TBC1D2: variants seen among roughly 807,000 people sequenced by gnomAD.
The protein encoded by TBC1D2 is TBC1 domain family member 2A.
In TBC1D2, 58 loss-of-function variants were observed where a neutral mutation model predicts 91.1. The observed-to-expected ratio is 0.64, with a 90% CI of 0.52 to 0.79. The LOEUF (loss-of-function observed/expected upper bound fraction) is 0.79. Ranked by LOEUF, TBC1D2 falls within the 30% of genes least tolerant of loss-of-function variation. The pLI is 0.00. For synonymous variants in TBC1D2, 482 were observed against 511.5 expected (o/e 0.94, Z 0.78); for missense variants, 1,080 against 1,208.3 (o/e 0.89, Z 1.57).
Position 98,221,089 on chromosome 9 carries a change from C to T in TBC1D2, c.1118G>A (p.Gly373Asp), listed in dbSNP as rs754867899. Residue 373 changes from glycine (G) to aspartate (D), a missense_variant, in exon 6 of 13, where the codon GGC (glycine) becomes GAC (aspartate). By Grantham distance (94) the Gly-to-Asp change is moderately conservative. Transcript: ENST00000465784. The part of the protein sequence containing the change: ...RHKVRQIAEL[G>D]RRVEALEQER... The stretch of plus-strand genomic sequence containing the variant: ...CTGCTCCAGGGCCTCCACCCGCCGG[C>T]CCAGCTCCGCGATCTGCCGCACTTT... 1 of 1,608,644 alleles carries T rather than the reference C, an allele frequency of 6.2e-7. No homozygotes were observed. The highest frequency in any genetic ancestry group is 8.5e-7 in the Non-Finnish European group (1 of 1,178,032).
In TBC1D2 at chr9:98,225,273, C is replaced by T. The variant is rs1445789367; in HGVS notation, c.978+3679G>A. On this transcript the variant is annotated intron_variant, in intron 5 of 12. Coordinates refer to ENST00000465784, the MANE Select transcript of TBC1D2 (RefSeq NM_001267571.2). ...TTCTGTCAACTCCAAGGGTCAGTCC[C>T]CGGCCAATCAGCCATCTGGTGCTAT... 2.0e-5 allele frequency among the ~76,000 whole-genome samples: 3 copies of T among 152,334 alleles called. 1 individual carries two copies. The East Asian group carries it at 5.8e-4, about 29-fold the overall frequency.
intron 5 of TBC1D2, among the ~76,000 whole-genome samples, chr9:98,225,216 G>A (rs1439463961): frequency 6.6e-6 from 1 of 152,194 alleles, no homozygotes; most frequent in African/African-American, 2.4e-5. Flanking sequence ...CCTTCCATCT[G>A]CCAGAGCAGA....
intron 9 of TBC1D2, among the ~76,000 whole-genome samples, chr9:98,205,657 G>A (rs1192701891): frequency 6.6e-6 from 1 of 151,498 alleles, no homozygotes; most frequent in African/African-American, 2.4e-5. Flanking sequence ...TCAGCCTCCC[G>A]AGTAGCTAGA....
chr9:98,244,900 C>A (rs1479174291), intron 2 of TBC1D2, among the ~76,000 whole-genome samples: 1 of 152,014 alleles, frequency 6.6e-6, no homozygotes, highest in Non-Finnish European at 1.5e-5. Flanking sequence ...TACTTATAAA[C>A]AGGGAAACCT....
At chr9:98,250,064 GAA>G (rs535138152) in intron 2 of TBC1D2, among the ~76,000 whole-genome samples, 41 of 152,254 alleles carry the variant, frequency 2.7e-4, no homozygotes, top group Middle Eastern at 3.4e-3. Flanking sequence ...TGAAGTGTTT[GAA>G]AAAAGTGTTG....
intron 6 of TBC1D2, among the ~76,000 whole-genome samples, chr9:98,216,289 C>T (rs1828967831): frequency 1.3e-5 from 2 of 152,126 alleles, no homozygotes; most frequent in South Asian, 2.1e-4. Context: ...CATGACAGCT[C>T]GAGAGCTACT....
chr9:98,200,625 C>T (rs962640953), intron 11 of TBC1D2, among the ~76,000 whole-genome samples: 2 of 152,324 alleles, frequency 1.3e-5, no homozygotes, highest in African/African-American at 4.8e-5. Context: ...AGTCCTGGCT[C>T]TAGCCTGTCT....
Position 98,210,628 on chromosome 9 carries a change from C to T in TBC1D2, c.1673+28G>A, listed in dbSNP as rs181788439. The stretch of plus-strand genomic sequence containing the variant: ...GGGAGGAGCCGCCAGCTCACATAGA[C>T]CAGCCCTTCCTGGGCCGCCAGGCTC... On this transcript the variant is annotated intron_variant, in intron 8 of 12. Transcript: ENST00000465784. The T allele has an allele frequency of 8.5e-4, 1,310 of 1,546,580 alleles. 3 individuals are homozygous for T. The highest frequency in any genetic ancestry group is 3.3e-3 in the Admixed American group (174 of 53,160).
intron 3 of TBC1D2, among the ~76,000 whole-genome samples, chr9:98,241,554 G>A (rs1017179985): frequency 1.3e-5 from 2 of 152,192 alleles, no homozygotes; most frequent in African/African-American, 4.8e-5. Context: ...TTACAGGAGG[G>A]AAGTTGCTCT....
At chr9:98,214,660 A>C (rs1828926305) in intron 6 of TBC1D2, among the ~76,000 whole-genome samples, 1 of 152,248 alleles carries the variant, frequency 6.6e-6, no homozygotes, top group South Asian at 2.1e-4. Context: ...TTTGGGGCAC[A>C]TCCTCGTCAG....
At chr9:98,239,344 C>T (rs899882110) in intron 3 of TBC1D2, among the ~76,000 whole-genome samples, 9 of 152,204 alleles carry the variant, frequency 5.9e-5, no homozygotes, top group Middle Eastern at 3.4e-3. Flanking sequence ...AGATCCACTG[C>T]GCCTGGCCCT....
chr9:98,232,737 T>C (rs1359060604), intron 4 of TBC1D2, among the ~76,000 whole-genome samples: 1 of 152,256 alleles, frequency 6.6e-6, no homozygotes, highest in Non-Finnish European at 1.5e-5. Flanking sequence ...TACATAGCTA[T>C]AGTACACTAT....
chr9:98,235,674 G>A, intron 3 of TBC1D2: 1 of 286,718 alleles, frequency 3.5e-6, no homozygotes, highest in South Asian at 3.1e-5. Context: ...CCAATAAATT[G>A]TCTTTTTCAG....
intron 2 of TBC1D2, among the ~76,000 whole-genome samples, chr9:98,246,784 C>T (rs999244570): frequency 2.0e-5 from 3 of 151,942 alleles, no homozygotes; most frequent in African/African-American, 7.3e-5. Context: ...GCCAAGCATA[C>T]AGGCAACAGT....
chr9:98,199,509 C>T lies in TBC1D2; in HGVS notation c.2659G>A (p.Glu887Lys). 1 of 1,614,204 alleles carries T rather than the reference C, an allele frequency of 6.2e-7. No individual in the cohort carries two copies. Among genetic ancestry groups the T allele is most frequent in the African/African-American group, 1.3e-5 (1 of 75,084 alleles). Reference protein sequence around the residue: ...QLRQLRMVHRERLEAELRELE... With the variant: ...QLRQLRMVHRKRLEAELRELE... ...TCCCGCAGCTCAGCCTCCAGCCGCT[C>T]CCGGTGGACCATGCGCAGCTGCCGC... The change falls in exon 13 of 13, where the codon GAG (glutamate) becomes AAG (lysine). Residue 887 changes from glutamate (E) to lysine (K), a missense_variant. Physicochemically the swap from Glu to Lys is moderately conservative, Grantham distance 56. Transcript: ENST00000465784.
intron 3 of TBC1D2, among the ~76,000 whole-genome samples, chr9:98,236,422 C>G (rs149779326): frequency 6.6e-6 from 1 of 152,098 alleles, no homozygotes; most frequent in Non-Finnish European, 1.5e-5. Flanking sequence ...AGGGTTTTGC[C>G]GTTTTGGTCA....
chr9:98,242,436 A>T (rs1226716916), intron 3 of TBC1D2, among the ~76,000 whole-genome samples: 2 of 147,652 alleles, frequency 1.4e-5, no homozygotes, highest in Non-Finnish European at 3.0e-5. Flanking sequence ...GCAAGACTCC[A>T]TCTCCAAAAA....
intron 7 of TBC1D2, among the ~76,000 whole-genome samples, 175 bp from the exon 8 acceptor site, chr9:98,211,018 G>A (rs539992454): frequency 1.3e-5 from 2 of 152,362 alleles, no homozygotes; most frequent in South Asian, 4.1e-4. Context: ...GTGGTTTACA[G>A]CAAGGCAGGC....
intron 3 of TBC1D2, among the ~76,000 whole-genome samples, chr9:98,242,154 T>C (rs1489636482): frequency 6.6e-6 from 1 of 152,106 alleles, no homozygotes; most frequent in African/African-American, 2.4e-5. Context: ...GGAACACAAA[T>C]GCCCAGGCTG....
Sources: allele counts gnomAD v4.1 joint callset (sites outside exome capture counted in the v4.1 genomes callset), GRCh38; gene constraint gnomAD v4.1.1; transcripts MANE v1.5; gene names NCBI Gene and HGNC (gene_info 2026-07-23, HGNC 2026-07-21).